The following MCHR2 variants were observed in gnomAD, a reference collection of about 807,000 sequenced individuals.
MCHR2 encodes the protein melanin concentrating hormone receptor 2, also known as melanin-concentrating hormone receptor 2.
Under a neutral mutation model 24.8 loss-of-function variants are expected in MCHR2, and 15 were observed. That is an observed-to-expected ratio of 0.60 (90% CI 0.40 to 0.93). MCHR2 has a LOEUF of 0.93. Ranked by LOEUF, MCHR2 falls within the 40% of genes least tolerant of loss-of-function variation. MCHR2 has a pLI of 0.00. For synonymous variants in MCHR2, 151 were observed against 147.6 expected, an observed-to-expected ratio of 1.02 and a Z score of -0.17; for missense variants, 386 against 408.7, an observed-to-expected ratio of 0.94 and a Z score of 0.48.
chr6:99,957,789 A>G (rs938288856), intron 1 of MCHR2, among the ~76,000 whole-genome samples: 2 of 152,132 alleles, frequency 1.3e-5, no homozygotes, highest in Non-Finnish European at 2.9e-5. Flanking sequence ...AAACTCAGCA[A>G]AAATTTGTAA....
chr6:99,958,364 T>A (rs1489458610), intron 1 of MCHR2, among the ~76,000 whole-genome samples: 3 of 152,106 alleles, frequency 2.0e-5, no homozygotes, highest in Admixed American at 1.3e-4. Context: ...CATACATTTA[T>A]ATGCACATTG....
chr6:99,931,683 C>T (rs1040782382), intron 5 of MCHR2, among the ~76,000 whole-genome samples: 19 of 152,134 alleles, frequency 1.2e-4, no homozygotes, highest in Admixed American at 2.6e-4. Context: ...CTCCTAAGCC[C>T]GTCGGAAAAG....
intron 2 of MCHR2, among the ~76,000 whole-genome samples, chr6:99,954,094 C>T (rs892122935): frequency 3.3e-5 from 5 of 152,082 alleles, no homozygotes; most frequent in Admixed American, 1.3e-4. Context: ...TTTATCTTTA[C>T]AGCAAATCCA....
intron 1 of MCHR2, among the ~76,000 whole-genome samples, chr6:99,974,498 G>A (rs1296837554): frequency 1.3e-5 from 2 of 152,110 alleles, no homozygotes; most frequent in Non-Finnish European, 1.5e-5. Context: ...CTTTGCCATT[G>A]GTTTGAATTT....
intron 5 of MCHR2, among the ~76,000 whole-genome samples, chr6:99,925,071 CT>C (rs1774321411): frequency 6.6e-6 from 1 of 152,068 alleles, no homozygotes; most frequent in African/African-American, 2.4e-5. Context: ...CTTTATATAT[CT>C]GGATACTCCA....
At chr6:99,957,314 G>A (rs544543804) in intron 1 of MCHR2, among the ~76,000 whole-genome samples, 23 of 152,044 alleles carry the variant, frequency 1.5e-4, no homozygotes, top group Non-Finnish European at 3.2e-4. Context: ...TCCCAGTTCA[G>A]CAAGCATTTT....
intron 1 of MCHR2, among the ~76,000 whole-genome samples, chr6:99,962,713 A>G (rs1013219093): frequency 1.3e-5 from 2 of 152,148 alleles, no homozygotes; most frequent in African/African-American, 4.8e-5. Flanking sequence ...ATGATATCAA[A>G]AACACAGGTA....
rs34765382 is a variant in MCHR2, at chr6:99,921,457, AC to A, written c.708-203del. On this transcript the variant is annotated intron_variant, in intron 5 of 5. Coordinates refer to ENST00000281806, the MANE Select transcript of MCHR2 (RefSeq NM_001040179.2). ...ACTTTCCAAAGTTTCCAAAGCTGGA[AC>A]TTTTTTTCGTTGTTGTTAATTTTTT... Among the ~76,000 whole-genome samples the A allele has an allele frequency of 3.4e-3, 517 of 152,164 alleles. 1 individual carries two copies. The highest frequency in any genetic ancestry group is 0.012 in the African/African-American group (483 of 41,496).
intron 4 of MCHR2, among the ~76,000 whole-genome samples, chr6:99,941,391 G>A (rs72938048): frequency 0.029 from 4,353 of 152,058 alleles, 79 homozygotes; most frequent in Admixed American, 0.061. Flanking sequence ...GGGAGTGGGG[G>A]CATTCAGTCA....
At chr6:99,983,112 C>A (rs753777442) in intron 1 of MCHR2, among the ~76,000 whole-genome samples, 59 of 148,378 alleles carry the variant, frequency 4.0e-4, no homozygotes, top group Non-Finnish European at 7.9e-4. Flanking sequence ...AGGAGGGCAC[C>A]ACCATGCCCA....
intron 3 of MCHR2, 66 bp from the exon 4 acceptor site, chr6:99,943,209 G>T: frequency 2.3e-6 from 3 of 1,314,544 alleles, no homozygotes; most frequent in Non-Finnish European, 3.1e-6. Context: ...AGGATGAAAG[G>T]TTCATGATGA....
chr6:99,924,304 CAGTT>C lies in MCHR2; in HGVS notation c.708-3053_708-3050del, dbSNP rs1216508446. Among the ~76,000 whole-genome samples the C allele has an allele frequency of 5.3e-5, 8 of 151,980 alleles. No homozygotes were observed. The South Asian group carries it at 1.0e-3, about 20-fold the overall frequency. ...TTATTTAGATCTTCTGTCTTTTTCT[CAGTT>C]AGTCTGGCTAAAAGTTTGTCAATTT... On this transcript the variant is annotated intron_variant, in intron 5 of 5. Transcript: ENST00000281806.
Position 99,921,080 on chromosome 6 carries a change from T to C in MCHR2, c.883A>G (p.Ser295Gly). 2 of 1,614,200 alleles carry C rather than the reference T, an allele frequency of 1.2e-6. No individual in the cohort carries two copies. The highest frequency in any genetic ancestry group is 1.7e-6 in the Non-Finnish European group (2 of 1,180,030). ...GGGTTAATGCTGCTGCTGGCATAGC[T>C]GAGACAGATGGAGAGGTAATAACCC... is the stretch of plus-strand genomic sequence containing the variant. ...YVGYYLSICL[S>G]YASSSINPFL... is the part of the protein sequence containing the mutation. The change falls in exon 6 of 6, where the codon AGC (serine) becomes GGC (glycine). Residue 295 changes from serine to glycine, a missense_variant. Physicochemically the swap from Ser to Gly is moderately conservative, Grantham distance 56 (BLOSUM62 0). Transcript: ENST00000281806.
chr6:99,933,274 A>G (rs1774583220), intron 5 of MCHR2, among the ~76,000 whole-genome samples: 1 of 152,126 alleles, frequency 6.6e-6, no homozygotes, highest in African/African-American at 2.4e-5. Flanking sequence ...TGTGTTTCAT[A>G]AGATCCTCTT....
At chr6:99,979,796 TTTAA>T (rs1488835652) in intron 1 of MCHR2, among the ~76,000 whole-genome samples, 3 of 152,224 alleles carry the variant, frequency 2.0e-5, no homozygotes, top group Admixed American at 1.3e-4. Context: ...TTTAATATCC[TTTAA>T]TTAAAATAAT....
At chr6:99,926,599 T>G (rs1442600212) in intron 5 of MCHR2, among the ~76,000 whole-genome samples, 1 of 152,242 alleles carries the variant, frequency 6.6e-6, no homozygotes, top group Non-Finnish European at 1.5e-5. Context: ...TGGTGAGCAT[T>G]TTTTCATGTG....
At position 99,921,072 on chromosome 6, in the gene MCHR2, G is replaced by C. The variant is rs200877202; in HGVS notation, c.891C>G (p.Ala297=). ...AGAGAAAAGGGTTAATGCTGCTGCTGGCATAGCTGAGACAGATGGAGAGGT... is the reference window on the plus strand; with the variant it reads ...AGAGAAAAGGGTTAATGCTGCTGCTCGCATAGCTGAGACAGATGGAGAGGT... ...GYYLSICLSY[A]SSSINPFLYI... Residue 297 remains alanine (A), a synonymous_variant, in exon 6 of 6, where the codon GCC becomes GCG. Transcript: ENST00000281806. 2 of 1,614,064 alleles carry C rather than the reference G, an allele frequency of 1.2e-6. No individual in the cohort carries two copies. Among genetic ancestry groups the C allele is most frequent in the African/African-American group, 2.7e-5 (2 of 74,914 alleles).
chr6:99,933,913 G>T (rs1036908213), intron 5 of MCHR2, among the ~76,000 whole-genome samples: 2 of 151,734 alleles, frequency 1.3e-5, no homozygotes, highest in African/African-American at 4.8e-5. Context: ...ATTGACTTTA[G>T]GTTAACTCTT....
intron 1 of MCHR2, among the ~76,000 whole-genome samples, chr6:99,984,450 T>C (rs546293396): frequency 8.5e-4 from 89 of 104,462 alleles, no homozygotes; most frequent in Non-Finnish European, 1.5e-3. Context: ...TTTAGGAAAA[T>C]GTACATTTTT....
Sources: allele counts gnomAD v4.1 joint callset (sites outside exome capture counted in the v4.1 genomes callset), GRCh38; gene constraint gnomAD v4.1.1; transcripts MANE v1.5; gene names NCBI Gene and HGNC (gene_info 2026-07-23, HGNC 2026-07-21).